GRID1: variants seen among roughly 807,000 people sequenced by gnomAD.
The protein encoded by GRID1 is glutamate ionotropic receptor delta type subunit 1.
Under a neutral mutation model 98.0 loss-of-function variants are expected in GRID1, and 28 were observed. The observed-to-expected ratio is 0.29, with a 90% CI of 0.21 to 0.39. The LOEUF (loss-of-function observed/expected upper bound fraction) is 0.39, where lower values mean the gene tolerates loss of function less well. Among genes scored for constraint, GRID1 ranks in the 10% least tolerant of loss-of-function variants. GRID1 has a pLI of 1.00. For synonymous variants in GRID1, 553 were observed against 538.5 expected, an observed-to-expected ratio of 1.03 and a Z score of -0.37; for missense variants, 1,111 against 1,340.5, an observed-to-expected ratio of 0.83 and a Z score of 2.67.
chr10:85,665,009 C>T (rs912385488), intron 12 of GRID1, among the ~76,000 whole-genome samples: 3 of 152,102 alleles, frequency 2.0e-5, no homozygotes, highest in Non-Finnish European at 2.9e-5. Context: ...ACAGATTATA[C>T]AGTATACACT....
In GRID1 at chr10:86,274,150, C is replaced by T. The variant is rs570285622; in HGVS notation, c.236-67502G>A. ...ACATATGGCTAGCCAGTTTTCCCAG[C>T]ACCATTTATTAAATAGGGAATCCTT... On this transcript the variant is annotated intron_variant, in intron 2 of 15. Coordinates refer to ENST00000327946, the MANE Select transcript of GRID1 (RefSeq NM_017551.3). Among the ~76,000 whole-genome samples the T allele has an allele frequency of 4.3e-3, 652 of 152,260 alleles. 6 individuals carry two copies. Among genetic ancestry groups the T allele is most frequent in the African/African-American group, 0.015 (622 of 41,530 alleles).
rs146961453 is a variant in GRID1 at position 85,954,262 on chromosome 10, T to C, written c.727-38023A>G. Among the ~76,000 whole-genome samples the C allele has an allele frequency of 9.2e-5, 14 of 152,312 alleles. No individual in the cohort carries two copies. In the East Asian group the frequency reaches 2.7e-3, roughly 29 times the overall value. ...TGGCAATAGAGGATGTTCAATTAAA[T>C]ATGAAATCTAACAGAAAGAGGTTTA... On this transcript the variant is annotated intron_variant, in intron 4 of 15. Coordinates refer to ENST00000327946, the MANE Select transcript of GRID1 (RefSeq NM_017551.3).
intron 13 of GRID1, among the ~76,000 whole-genome samples, chr10:85,631,397 C>T (rs550780170): frequency 1.3e-5 from 2 of 152,338 alleles, no homozygotes; most frequent in Admixed American, 6.5e-5. Flanking sequence ...TGACATCTGC[C>T]TCCAGCATCT....
At chr10:85,933,299 A>AT (rs1841883279) in intron 4 of GRID1, among the ~76,000 whole-genome samples, 1 of 148,754 alleles carries the variant, frequency 6.7e-6, no homozygotes, top group African/African-American at 2.5e-5. Context: ...AAAAAAAAAA[A>AT]AAAAAAAAAA....
At chr10:86,154,347 G>T (rs1176353057) in intron 3 of GRID1, among the ~76,000 whole-genome samples, 1 of 152,106 alleles carries the variant, frequency 6.6e-6, no homozygotes, top group East Asian at 1.9e-4. Flanking sequence ...CTTTACAGAG[G>T]AAAAAACTGG....
At chr10:86,094,834 A>G (rs905614146) in intron 4 of GRID1, among the ~76,000 whole-genome samples, 1 of 152,104 alleles carries the variant, frequency 6.6e-6, no homozygotes, top group African/African-American at 2.4e-5. Flanking sequence ...GAATTAGAAA[A>G]AAAAAAAAAA....
At chr10:85,973,894 C>G (rs1423548303) in intron 4 of GRID1, among the ~76,000 whole-genome samples, 1 of 152,202 alleles carries the variant, frequency 6.6e-6, no homozygotes, top group Non-Finnish European at 1.5e-5. Context: ...CAGCTACAAA[C>G]TGGCAACATA....
At chr10:86,073,493 G>C (rs374775058) in intron 4 of GRID1, among the ~76,000 whole-genome samples, 146 of 152,344 alleles carry the variant, frequency 9.6e-4, no homozygotes, top group African/African-American at 3.3e-3. Context: ...GGGTTCCCTG[G>C]GGGTGTGGTT....
At chr10:85,665,110 C>T (rs762248618) in intron 12 of GRID1, among the ~76,000 whole-genome samples, 3 of 152,110 alleles carry the variant, frequency 2.0e-5, no homozygotes, top group Non-Finnish European at 4.4e-5. Context: ...AAGGTAATTT[C>T]CCTTACAGGG....
intron 8 of GRID1, among the ~76,000 whole-genome samples, chr10:85,767,663 G>T (rs901426597): frequency 1.3e-5 from 2 of 152,104 alleles, no homozygotes; most frequent in African/African-American, 4.8e-5. Flanking sequence ...GAAAGCGGTG[G>T]GCATTTCTTC....
chr10:86,238,099 T>C (rs1485000341), intron 2 of GRID1, among the ~76,000 whole-genome samples: 2 of 152,160 alleles, frequency 1.3e-5, no homozygotes, highest in African/African-American at 4.8e-5. Flanking sequence ...GGCCACGTGG[T>C]AGAAAAGAAA....
At chr10:86,166,225 T>A (rs1845396333) in intron 3 of GRID1, among the ~76,000 whole-genome samples, 1 of 152,174 alleles carries the variant, frequency 6.6e-6, no homozygotes, top group Non-Finnish European at 1.5e-5. Context: ...TAACTCGTCA[T>A]TTACATTAGG....
intron 4 of GRID1, among the ~76,000 whole-genome samples, chr10:86,041,103 T>C (rs978150716): frequency 2.6e-5 from 4 of 152,030 alleles, no homozygotes. Context: ...TCATGCAAGA[T>C]GTGGCTGTCC....
At position 86,206,076 on chromosome 10, in the gene GRID1, T is replaced by G. The variant is rs1228490609; in HGVS notation, c.520+288A>C. On this transcript the variant is annotated intron_variant, in intron 3 of 15. Transcript: ENST00000327946. This position sits in a 1 kb window ranked among gnomAD's most constrained non-coding sequence, Gnocchi z 4.1. ...CTCCATCTGTGCCAGCATACAGCCC[T>G]TTGGATCCCTGCCAGCAGTTTATTA... Among the ~76,000 whole-genome samples, 3 of 152,208 alleles carry G rather than the reference T, an allele frequency of 2.0e-5. No individual in the cohort carries two copies. The highest frequency in any genetic ancestry group is 7.2e-5 in the African/African-American group (3 of 41,458).
chr10:85,756,536 CATTATCTACA>C (rs1319395364), intron 8 of GRID1, among the ~76,000 whole-genome samples: 3 of 152,190 alleles, frequency 2.0e-5, no homozygotes, highest in African/African-American at 7.2e-5. Context: ...GACTGGTAGG[CATTATCTACA>C]GTGTGAATAC....
intron 8 of GRID1, among the ~76,000 whole-genome samples, chr10:85,829,863 T>C (rs12774421): frequency 0.063 from 9,571 of 152,232 alleles, 373 homozygotes; most frequent in Non-Finnish European, 0.082. Flanking sequence ...ATTGTTAAAA[T>C]GGCCATACTG....
intron 3 of GRID1, among the ~76,000 whole-genome samples, chr10:86,203,266 A>G (rs1845978562): frequency 6.6e-6 from 1 of 152,158 alleles, no homozygotes; most frequent in Non-Finnish European, 1.5e-5. Flanking sequence ...ACAGTGAGTC[A>G]GTGGGAGGAG....
In GRID1 at chr10:86,090,263, C is replaced by T. The variant is rs1589367674; in HGVS notation, c.726+48556G>A. Among the ~76,000 whole-genome samples, 4 of 146,094 alleles carry T rather than the reference C, an allele frequency of 2.7e-5. No individual in the cohort carries two copies. In the South Asian group the frequency reaches 6.5e-4, roughly 24 times the overall value. Reference sequence around the variant, plus strand: ...AGAAATCCCATCTCTACTAAAAATGCCAAAAAAAAAAAAAATAGTGGGCAT... The same window carrying T: ...AGAAATCCCATCTCTACTAAAAATGTCAAAAAAAAAAAAAATAGTGGGCAT... On this transcript the variant is annotated intron_variant, in intron 4 of 15. Transcript: ENST00000327946.
intron 4 of GRID1, among the ~76,000 whole-genome samples, chr10:86,134,055 A>G (rs1265379785): frequency 1.3e-5 from 2 of 152,256 alleles, no homozygotes; most frequent in Non-Finnish European, 2.9e-5. Context: ...GCATAGAACC[A>G]ATAAATAAGA....
Sources: allele counts gnomAD v4.1 joint callset (sites outside exome capture counted in the v4.1 genomes callset), GRCh38; gene constraint gnomAD v4.1.1; non-coding constraint Gnocchi (gnomAD v3.1); transcripts MANE v1.5; gene names NCBI Gene and HGNC (gene_info 2026-07-23, HGNC 2026-07-21).